MPRIP: variants seen among roughly 807,000 people sequenced by gnomAD.
MPRIP encodes the protein myosin phosphatase Rho interacting protein.
MPRIP carries 59 observed loss-of-function variants against 234.9 expected under a neutral mutation model. That is an observed-to-expected ratio of 0.25 (90% CI 0.20 to 0.31). The LOEUF (loss-of-function observed/expected upper bound fraction) is 0.31. Ranked by LOEUF, MPRIP falls within the 10% of genes least tolerant of loss-of-function variation. The probability of loss-of-function intolerance (pLI) is 1.00; values close to 1 mark genes in which losing one functional copy is unlikely to be tolerated. For synonymous variants in MPRIP, 1,144 were observed against 1,263.9 expected, an observed-to-expected ratio of 0.91 and a Z score of 2.01; for missense variants, 2,436 against 3,071.0, an observed-to-expected ratio of 0.79 and a Z score of 4.89.
At chr17:17,054,060 A>G (rs1445625909) in intron 1 of MPRIP, among the ~76,000 whole-genome samples, 1 of 152,270 alleles carries the variant, frequency 6.6e-6, no homozygotes, top group East Asian at 1.9e-4. Flanking sequence ...AAATTAACCA[A>G]ACTTCTAAAT....
intron 7 of MPRIP, chr17:17,141,898 T>C (rs1385886732): frequency 6.6e-6 from 1 of 152,518 alleles, no homozygotes; most frequent in Non-Finnish European, 1.5e-5. Flanking sequence ...CTTCAGTGAT[T>C]ACCTTGGGTT....
chr17:17,081,693 G>A (rs1305183654), intron 3 of MPRIP, among the ~76,000 whole-genome samples: 2 of 152,224 alleles, frequency 1.3e-5, no homozygotes, highest in Non-Finnish European at 2.9e-5. Context: ...TCTGCTCGGG[G>A]ACTTCTGCTG....
At chr17:17,087,232 G>A (rs1797819673) in intron 3 of MPRIP, among the ~76,000 whole-genome samples, 1 of 152,202 alleles carries the variant, frequency 6.6e-6, no homozygotes, top group African/African-American at 2.4e-5. Context: ...TTAGCTAGGG[G>A]GAGGGGGAGG....
chr17:17,157,961 C>T (rs1188084669), intron 13 of MPRIP, among the ~76,000 whole-genome samples: 1 of 152,236 alleles, frequency 6.6e-6, no homozygotes, highest in Non-Finnish European at 1.5e-5. Flanking sequence ...GCCCAGGCCT[C>T]ACCTGGCAGG....
rs58629002 is a variant in MPRIP, at chr17:17,141,553, G to A, written c.1251-1074G>A. 1,365 of 152,596 alleles carry A rather than the reference G, an allele frequency of 8.9e-3. 60 individuals are homozygous for A. Among genetic ancestry groups the A allele is most frequent in the Admixed American group, 0.064 (980 of 15,300 alleles). The allele number at this position is 152,596 out of a possible 1,614,324, so 9.5% of individuals were successfully genotyped here. ...CCGGGGCCCTCGCCCTCCTCTCTCCGGGGGTGAAGACGCCTTAGGCAGCCA... is the reference window on the plus strand; with the variant it reads ...CCGGGGCCCTCGCCCTCCTCTCTCCAGGGGTGAAGACGCCTTAGGCAGCCA... On this transcript the variant is annotated intron_variant, in intron 7 of 23. Coordinates refer to ENST00000651222, the MANE Select transcript of MPRIP (RefSeq NM_001364716.4).
intron 12 of MPRIP, among the ~76,000 whole-genome samples, chr17:17,153,791 G>A (rs929922971): frequency 2.6e-5 from 4 of 152,078 alleles, no homozygotes; most frequent in Non-Finnish European, 5.9e-5. Flanking sequence ...TTTTCTCAGT[G>A]CCACCAACAA....
chr17:17,046,822 A>G (rs190901100), intron 1 of MPRIP, among the ~76,000 whole-genome samples: 4 of 152,332 alleles, frequency 2.6e-5, no homozygotes, highest in Non-Finnish European at 2.9e-5. Context: ...GTCTCATCAC[A>G]AAGGCAGCCG....
intron 16 of MPRIP, 27 bp from the exon 17 acceptor site, chr17:17,171,691 C>T (rs62064402): frequency 1.2e-5 from 20 of 1,601,246 alleles, no homozygotes; most frequent in African/African-American, 1.2e-4. Context: ...AGAAAGAAGT[C>T]GATGAAGTCC....
chr17:17,180,935 G>A (rs1028218972), intron 23 of MPRIP, among the ~76,000 whole-genome samples: 1 of 152,206 alleles, frequency 6.6e-6, no homozygotes, highest in Admixed American at 6.5e-5. Flanking sequence ...TGTGCACAAC[G>A]GCTGAACTCA....
chr17:17,168,984 A>C (rs1023042674), intron 16 of MPRIP: 1 of 456,866 alleles, frequency 2.2e-6, no homozygotes, highest in African/African-American at 2.0e-5. Flanking sequence ...TGGAAACAGC[A>C]GCTCACATGT....
In MPRIP at chr17:17,177,925, ATTTTTTTT is replaced by A. The variant is rs35154903; in HGVS notation, c.7120+525_7120+532del. 3.4e-3 allele frequency among the ~76,000 whole-genome samples: 439 copies of A among 127,264 alleles called. 1 individual carries two copies. Among genetic ancestry groups the A allele is most frequent in the African/African-American group, 0.01 (360 of 35,762 alleles). 83.5% of individuals were successfully genotyped at this position (127,264 alleles called of 152,430 possible). ...ATCAAGCATTTTCAGCTCATACGTAATTTTTTTTTTTTTTTTTTTGAAACTGGGTCTTG... is the reference window on the plus strand; with the variant it reads ...ATCAAGCATTTTCAGCTCATACGTAATTTTTTTTTTTGAAACTGGGTCTTG... On this transcript the variant is annotated intron_variant, in intron 22 of 23. Transcript: ENST00000651222.
chr17:17,124,114 G>A (rs1443576036), intron 3 of MPRIP, among the ~76,000 whole-genome samples: 1 of 152,228 alleles, frequency 6.6e-6, no homozygotes, highest in East Asian at 1.9e-4. Flanking sequence ...GAGGCCCAGA[G>A]AGGTGGAGAG....
At chr17:17,112,256 C>T (rs1253636039) in intron 3 of MPRIP, among the ~76,000 whole-genome samples, 1 of 152,148 alleles carries the variant, frequency 6.6e-6, no homozygotes, top group Admixed American at 6.5e-5. Flanking sequence ...CTCTCTCTGT[C>T]GGGATCTCCC....
At chr17:17,158,399 C>G (rs781767240) in intron 13 of MPRIP, 33 bp from the exon 14 acceptor site, 13 of 1,518,558 alleles carry the variant, frequency 8.6e-6, no homozygotes, top group East Asian at 2.3e-5. Context: ...AGAGCCGCCC[C>G]TGACAGGCTA....
At chr17:17,102,744 C>G (rs1369115719) in intron 3 of MPRIP, among the ~76,000 whole-genome samples, 1 of 152,242 alleles carries the variant, frequency 6.6e-6, no homozygotes, top group Non-Finnish European at 1.5e-5. Flanking sequence ...CCCTCCCTGT[C>G]TTCTGCAGTT....
chr17:17,116,095 C>G (rs769441284), intron 3 of MPRIP, among the ~76,000 whole-genome samples: 3 of 152,136 alleles, frequency 2.0e-5, no homozygotes, highest in Non-Finnish European at 4.4e-5. Context: ...ATAAATCTAG[C>G]AGGGTTGGCT....
intron 2 of MPRIP, chr17:17,077,663 T>G (rs555590144): frequency 4.6e-6 from 1 of 219,640 alleles, no homozygotes. Flanking sequence ...TATTGACACA[T>G]GTCATGTGAT....
At chr17:17,079,075 C>T (rs763621312) in intron 3 of MPRIP, among the ~76,000 whole-genome samples, 167 of 151,944 alleles carry the variant, frequency 1.1e-3, no homozygotes, top group Non-Finnish European at 2.2e-3. Context: ...CAGGGGGTGG[C>T]GGGGGTGCCT....
intron 1 of MPRIP, among the ~76,000 whole-genome samples, chr17:17,045,345 G>GT (rs2088313139): frequency 6.6e-6 from 1 of 152,146 alleles, no homozygotes; most frequent in East Asian, 1.9e-4. Context: ...TTGTTTGTTT[G>GT]TTTTTCCCCT....
Sources: gnomAD v4.1 joint callset for allele counts (sites outside exome capture counted in the v4.1 genomes callset) on GRCh38, gnomAD v4.1.1 for gene constraint, MANE v1.5 for transcripts, NCBI Gene and HGNC (gene_info 2026-07-23, HGNC 2026-07-21) for gene names.